MPST: variants seen among roughly 807,000 people sequenced by gnomAD.
The protein encoded by MPST is 3-mercaptopyruvate sulfurtransferase.
MPST carries 27 observed loss-of-function variants against 28.5 expected under a neutral mutation model. The observed-to-expected ratio is 0.95, with a 90% CI of 0.70 to 1.31. The LOEUF is 1.31. Ranked by LOEUF, MPST falls within the 50% of genes most tolerant of loss-of-function variation. The pLI, the probability that MPST is intolerant of heterozygous loss-of-function variation, is 0.00. For missense variants in MPST, 492 were observed against 471.1 expected (o/e 1.04, Z -0.41); for synonymous variants, 204 against 209.3 (o/e 0.97, Z 0.22).
At chr22:37,020,107 G>A in intron 1 of MPST, 1 of 388,246 alleles carries the variant, frequency 2.6e-6, no homozygotes, top group Middle Eastern at 6.3e-4. Flanking sequence ...TGACCTGGTG[G>A]CACCAGAGAG....
intron 1 of MPST, among the ~76,000 whole-genome samples, chr22:37,022,483 C>T (rs1923146697): frequency 6.6e-6 from 1 of 152,186 alleles, no homozygotes; most frequent in African/African-American, 2.4e-5. Flanking sequence ...TAAAAGCCAG[C>T]TGCGGCCAGA....
At chr22:37,027,898 G>A (rs1053533048) in intron 2 of MPST, 1 of 152,210 alleles carries the variant, frequency 6.6e-6, no homozygotes, top group Non-Finnish European at 1.5e-5. Flanking sequence ...CAGCCAGTGT[G>A]GCGTGAAGGT....
chr22:37,026,530 A>G (rs1250286994), intron 2 of MPST: 1 of 152,256 alleles, frequency 6.6e-6, no homozygotes, highest in Non-Finnish European at 1.5e-5. Context: ...CCCACTCCAC[A>G]GCCTGAGGCC....
At chr22:37,021,948 G>A (rs994405229) in intron 1 of MPST, among the ~76,000 whole-genome samples, 2 of 152,076 alleles carry the variant, frequency 1.3e-5, no homozygotes, top group Admixed American at 6.5e-5. Flanking sequence ...GCAGTGGAGT[G>A]GGGTTTACAT....
In MPST at chr22:37,029,476, G is replaced by C. The variant is rs377346580; in HGVS notation, c.916G>C (p.Glu306Gln). The change falls in exon 3 of 3, where the codon GAG becomes CAG. Residue 306 changes from glutamate to glutamine, a missense_variant. Transcript: ENST00000429360. ...WVEWYMRARPEDVISEGRGKT... is the reference protein window; with the variant it reads ...WVEWYMRARPQDVISEGRGKT... ...GGAGTGGTACATGCGCGCCCGGCCC[G>C]AGGATGTCATCTCAGAGGGCCGGGG... The C allele has an allele frequency of 6.2e-7, 1 of 1,610,586 alleles. No individual in the cohort carries two copies. The highest frequency in any genetic ancestry group is 8.5e-7 in the Non-Finnish European group (1 of 1,178,324).
At position 37,024,723 on chromosome 22, in the gene MPST, A is replaced by T. The variant is rs943999038; in HGVS notation, c.568A>T (p.Lys190Ter). 6.2e-7 allele frequency: 1 copy of T among 1,600,366 alleles called. No individual in the cohort carries two copies. Among genetic ancestry groups the T allele is most frequent in the African/African-American group, 1.3e-5 (1 of 74,850 alleles). Residue 190 changes from lysine to a stop codon, truncating the protein, a stop_gained, in exon 2 of 3, where the codon AAG becomes TAG. Coordinates refer to ENST00000429360, the MANE Select transcript of MPST (RefSeq NM_021126.8). LOFTEE classifies it high-confidence loss of function. Reference protein sequence around the residue: ...PAFIKTYEDIKENLESRRFQV... With the variant: ...PAFIKTYEDI ...CTTCATCAAGACCTACGAGGACATC[A>T]AGGAGAACCTGGAATCCCGGCGCTT...
chr22:37,025,532 CTGTGGGT>C, intron 2 of MPST: 1 of 192,198 alleles, frequency 5.2e-6, no homozygotes, highest in South Asian at 1.0e-4. Flanking sequence ...GGCAAGAAGC[CTGTGGGT>C]AAGCTCTGTA....
chr22:37,027,944 G>A (rs1475526670), intron 2 of MPST: 2 of 152,170 alleles, frequency 1.3e-5, no homozygotes, highest in Non-Finnish European at 2.9e-5. Context: ...ACTCCTCCCT[G>A]CCCTCTGCTA....
chr22:37,027,192 A>G (rs1923588448), intron 2 of MPST: 1 of 152,736 alleles, frequency 6.5e-6, no homozygotes, highest in Non-Finnish European at 1.5e-5. Context: ...ACCTCAGGTA[A>G]TCTGCCCCCC....
chr22:37,029,041 C>T (rs1351586293), intron 2 of MPST, 175 bp from the exon 3 acceptor site: 5 of 631,868 alleles, frequency 7.9e-6, no homozygotes, highest in Middle Eastern at 3.2e-4. Flanking sequence ...AAAATGGGGG[C>T]TCCTCTAAAC....
Position 37,024,702 on chromosome 22 carries a change from A to G in MPST, c.547A>G (p.Ile183Val), listed in dbSNP as rs867701255. The stretch of plus-strand genomic sequence containing the variant: ...CCGCGCTCAGCTCGACCCCGCCTTC[A>G]TCAAGACCTACGAGGACATCAAGGA... ...EFRAQLDPAF[I>V]KTYEDIKENL... Residue 183 changes from isoleucine (I) to valine (V), a missense_variant, in exon 2 of 3, where the codon ATC becomes GTC. Ile to Val is a conservative substitution (Grantham distance 29, BLOSUM62 3). Transcript: ENST00000429360. 6.3e-7 allele frequency: 1 copy of G among 1,599,804 alleles called. No individual in the cohort carries two copies. The highest frequency in any genetic ancestry group is 8.5e-7 in the Non-Finnish European group (1 of 1,179,792).
chr22:37,022,612 C>A (rs1893972341), intron 1 of MPST, among the ~76,000 whole-genome samples: 1 of 152,206 alleles, frequency 6.6e-6, no homozygotes, highest in Admixed American at 6.5e-5. Context: ...CCTGAGGCTG[C>A]CTCCTGTGAC....
At chr22:37,020,730 C>G (rs774772510) in intron 1 of MPST, among the ~76,000 whole-genome samples, 9 of 152,202 alleles carry the variant, frequency 5.9e-5, no homozygotes, top group Non-Finnish European at 1.2e-4. Context: ...GCCATCTCAG[C>G]TCACTGCAAC....
chr22:37,024,926 T>TCCTTTTTTCTTTCCTTTCCTTC, intron 2 of MPST, 116 bp downstream of exon 2: 2 of 1,541,344 alleles, frequency 1.3e-6, no homozygotes, highest in Non-Finnish European at 1.8e-6. Flanking sequence ...TCATTTCCTT[T>TCCTTTTTTCTTTCCTTTCCTTC]CCTTTTTTCT....
At chr22:37,020,226 C>T (rs1347475855) in intron 1 of MPST, 2 of 228,838 alleles carry the variant, frequency 8.7e-6, no homozygotes, top group Non-Finnish European at 8.5e-6. Context: ...CTAACATTGT[C>T]CAGCCCTGCT....
At chr22:37,024,123 C>T in intron 1 of MPST, 69 bp from the exon 2 acceptor site, 2 of 1,340,842 alleles carry the variant, frequency 1.5e-6, no homozygotes, top group East Asian at 3.1e-5. Context: ...CGCCCATGCT[C>T]CAGCCCCAGC....
rs1174078099 is a variant in MPST at position 37,029,428 on chromosome 22, C to T, written c.868C>T (p.Pro290Ser). Residue 290 changes from proline to serine, a missense_variant, in exon 3 of 3, where the codon CCC (proline) becomes TCC (serine). By Grantham distance (74) the Pro-to-Ser change is moderately conservative. Transcript: ENST00000429360. ...CTACCTCTGCGGCAAGCCAGACGTG[C>T]CCATCTACGATGGCTCCTGGGTGGA... Reference protein sequence around the residue: ...GAYLCGKPDVPIYDGSWVEWY... With the variant: ...GAYLCGKPDVSIYDGSWVEWY... The T allele has an allele frequency of 6.2e-7, 1 of 1,613,854 alleles. No homozygotes were observed. The highest frequency in any genetic ancestry group is 8.5e-7 in the Non-Finnish European group (1 of 1,180,014).
chr22:37,023,962 A>C, intron 1 of MPST: 14 of 1,510,032 alleles, frequency 9.3e-6, no homozygotes, highest in Non-Finnish European at 1.1e-5. Context: ...CCGGGAGGTC[A>C]TGGTCATTGG....
At position 37,029,261 on chromosome 22, in the gene MPST, C is replaced by G. The variant is rs1221597234; in HGVS notation, c.701C>G (p.Thr234Arg). 1 of 1,614,080 alleles carries G rather than the reference C, an allele frequency of 6.2e-7. No homozygotes were observed. Among genetic ancestry groups the G allele is most frequent in the Non-Finnish European group, 8.5e-7 (1 of 1,180,044 alleles). Residue 234 changes from threonine (T) to arginine (R), a missense_variant, in exon 3 of 3, where the codon ACA becomes AGA. Transcript: ENST00000429360. ...HIPGTVNIPF[T>R]DFLSQEGLEK... ...CCAGGTACCGTGAACATCCCCTTCA[C>G]AGACTTCCTGAGCCAGGAGGGGCTG...
Sources: allele counts gnomAD v4.1 joint callset (sites outside exome capture counted in the v4.1 genomes callset), GRCh38; gene constraint gnomAD v4.1.1; transcripts MANE v1.5; gene names NCBI Gene and HGNC (gene_info 2026-07-23, HGNC 2026-07-21).